The following PCDH9 variants were observed in gnomAD, a reference collection of about 807,000 sequenced individuals.
The protein encoded by PCDH9 is protocadherin-9.
PCDH9 carries 24 observed loss-of-function variants against 70.6 expected under a neutral mutation model. That is an observed-to-expected ratio of 0.34 (90% confidence interval 0.25 to 0.48). The LOEUF (loss-of-function observed/expected upper bound fraction) is 0.48. Among genes scored for constraint, PCDH9 ranks in the 20% least tolerant of loss-of-function variants. PCDH9 has a pLI of 0.99. For synonymous variants in PCDH9, 562 were observed against 558.5 expected (o/e 1.01, Z -0.09); for missense variants, 1,281 against 1,503.6 (o/e 0.85, Z 2.45).
chr13:66,602,217 A>C lies in PCDH9; in HGVS notation c.3340+28993T>G, dbSNP rs189738148. Among the ~76,000 whole-genome samples, 95 of 146,418 alleles carry C rather than the reference A, an allele frequency of 6.5e-4. 8 individuals are homozygous for C. The highest frequency in any genetic ancestry group is 1.4e-3 in the East Asian group (7 of 5,140). On this transcript the variant is annotated intron_variant, in intron 4 of 4. Coordinates refer to ENST00000377865, the MANE Select transcript of PCDH9 (RefSeq NM_203487.3). ...TAAACTAAAATAAATCACACACACA[A>C]AAAAAATCTCATCATGTTTTAAGAA...
At chr13:66,580,109 A>C (rs2138776718) in intron 4 of PCDH9, among the ~76,000 whole-genome samples, 1 of 152,226 alleles carries the variant, frequency 6.6e-6, no homozygotes, top group South Asian at 2.1e-4. Flanking sequence ...TTAGTGTTAG[A>C]GTAAATGAAT....
chr13:66,365,541 T>C (rs979851869), intron 4 of PCDH9, among the ~76,000 whole-genome samples: 11 of 152,218 alleles, frequency 7.2e-5, no homozygotes, highest in African/African-American at 2.7e-4. Context: ...TTGATTCAAA[T>C]GTGTGACTGC....
At chr13:66,542,531 G>T (rs896466638) in intron 4 of PCDH9, among the ~76,000 whole-genome samples, 21 of 151,814 alleles carry the variant, frequency 1.4e-4, no homozygotes, top group African/African-American at 4.8e-4. Context: ...AGCAACTACT[G>T]CATGAGTTTC....
At chr13:66,714,513 C>T (rs150189225) in intron 3 of PCDH9, among the ~76,000 whole-genome samples, 3 of 151,064 alleles carry the variant, frequency 2.0e-5, no homozygotes, top group African/African-American at 4.8e-5. Flanking sequence ...GAATGAAGAG[C>T]AGTTTTACGG....
intron 2 of PCDH9, among the ~76,000 whole-genome samples, chr13:67,146,799 TA>T (rs1476764028): frequency 2.0e-5 from 3 of 152,324 alleles, no homozygotes; most frequent in African/African-American, 7.2e-5. Flanking sequence ...CAGAAAAGCC[TA>T]CTTCAGTCAA....
intron 4 of PCDH9, among the ~76,000 whole-genome samples, chr13:66,487,088 G>A (rs976942329): frequency 6.6e-6 from 1 of 152,106 alleles, no homozygotes; most frequent in Non-Finnish European, 1.5e-5. Context: ...ATCACCATAC[G>A]ATCTCTTTGA....
At chr13:66,462,947 A>G (rs938805586) in intron 4 of PCDH9, among the ~76,000 whole-genome samples, 2 of 151,842 alleles carry the variant, frequency 1.3e-5, no homozygotes, top group Non-Finnish European at 2.9e-5. Flanking sequence ...AAACCTAATT[A>G]TTCTTGGTAC....
rs577742666 is a variant in PCDH9 at position 67,170,035 on chromosome 13, C to T, written c.3036+55370G>A. On this transcript the variant is annotated intron_variant, in intron 2 of 4. Coordinates refer to ENST00000377865, the MANE Select transcript of PCDH9 (RefSeq NM_203487.3). ...TTTTTTTATATTATTTCTTAAATCA[C>T]AGATACCTGCTTATTTGCAGGTGGT... 2.7e-3 allele frequency among the ~76,000 whole-genome samples: 411 copies of T among 152,264 alleles called. 1 individual carries two copies. Among genetic ancestry groups the T allele is most frequent in the African/African-American group, 9.6e-3 (399 of 41,562 alleles).
At position 66,319,980 on chromosome 13, in the gene PCDH9, T is replaced by C. The variant is rs967387009; in HGVS notation, c.3341-14952A>G. Reference sequence around the variant, plus strand: ...CTTAGAAACAATGCTTCCTATTACCTATAGGTAATATGCAAGCCAATTATT... The same window carrying C: ...CTTAGAAACAATGCTTCCTATTACCCATAGGTAATATGCAAGCCAATTATT... On this transcript the variant is annotated intron_variant, in intron 4 of 4. Transcript: ENST00000377865. Among the ~76,000 whole-genome samples the C allele has an allele frequency of 6.6e-4, 100 of 152,178 alleles. 1 individual carries two copies. Among genetic ancestry groups the C allele is most frequent in the African/African-American group, 2.4e-3 (98 of 41,474 alleles).
chr13:66,420,563 C>T (rs1957548169), intron 4 of PCDH9, among the ~76,000 whole-genome samples: 1 of 152,180 alleles, frequency 6.6e-6, no homozygotes, highest in African/African-American at 2.4e-5. Flanking sequence ...GGACCCCCAG[C>T]TAACTCCAGC....
intron 2 of PCDH9, among the ~76,000 whole-genome samples, chr13:67,074,453 G>A (rs1045949046): frequency 6.6e-6 from 1 of 151,964 alleles, no homozygotes; most frequent in African/African-American, 2.4e-5. Flanking sequence ...CCTGCTCTAC[G>A]GTATTTTTGT....
chr13:66,498,519 C>T (rs1345153606), intron 4 of PCDH9, among the ~76,000 whole-genome samples: 1 of 151,976 alleles, frequency 6.6e-6, no homozygotes, highest in Non-Finnish European at 1.5e-5. Flanking sequence ...TGGCTACTCA[C>T]CTACTGACTT....
Position 67,226,653 on chromosome 13 carries a change from C to A in PCDH9, c.1788G>T (p.Val596=). 1 of 1,613,660 alleles carries A rather than the reference C, an allele frequency of 6.2e-7. No individual in the cohort carries two copies. Among genetic ancestry groups the A allele is most frequent in the South Asian group, 1.1e-5 (1 of 91,056 alleles). Residue 596 remains valine, a synonymous_variant, in exon 2 of 5, where the codon GTG becomes GTT. Transcript: ENST00000377865. The surrounding 1 kb of genome is among the most constrained non-coding windows in gnomAD (Gnocchi z 5.0). Reference sequence around the variant, plus strand: ...TATTCTCTCCAGCATCTGCATCTGTCACTGTGATTACCCCCACAGTACTAT... The same window carrying A: ...TATTCTCTCCAGCATCTGCATCTGTAACTGTGATTACCCCCACAGTACTAT... The part of the protein sequence containing the change: ...PKYSTVGVIT[V]TDADAGENKA...
chr13:66,966,549 A>G (rs1345920146), intron 2 of PCDH9, among the ~76,000 whole-genome samples: 1 of 152,118 alleles, frequency 6.6e-6, no homozygotes, highest in Non-Finnish European at 1.5e-5. Context: ...TATTTCCTAG[A>G]AAGAGTAGAA....
At chr13:66,979,646 T>C (rs1442065746) in intron 2 of PCDH9, among the ~76,000 whole-genome samples, 2 of 152,100 alleles carry the variant, frequency 1.3e-5, no homozygotes, top group Non-Finnish European at 2.9e-5. Flanking sequence ...AGATCTCTAC[T>C]TTCTCTTCTC....
intron 4 of PCDH9, among the ~76,000 whole-genome samples, chr13:66,383,895 T>A (rs1271876371): frequency 2.6e-5 from 4 of 152,298 alleles, no homozygotes; most frequent in Admixed American, 1.3e-4. Context: ...AGGTGATTCG[T>A]GAACATCATT....
At chr13:67,128,640 T>C (rs982207124) in intron 2 of PCDH9, among the ~76,000 whole-genome samples, 1 of 152,202 alleles carries the variant, frequency 6.6e-6, no homozygotes, top group African/African-American at 2.4e-5. Context: ...TTGTACTATT[T>C]GTTGTAAACT....
At chr13:66,471,750 A>T (rs1224387512) in intron 4 of PCDH9, among the ~76,000 whole-genome samples, 1 of 152,046 alleles carries the variant, frequency 6.6e-6, no homozygotes, top group African/African-American at 2.4e-5. Context: ...TATAATTTGA[A>T]CTCTGGTAGT....
At chr13:66,349,804 T>C (rs1014007445) in intron 4 of PCDH9, among the ~76,000 whole-genome samples, 2 of 152,176 alleles carry the variant, frequency 1.3e-5, no homozygotes, top group African/African-American at 4.8e-5. Flanking sequence ...GAAAGCCGCA[T>C]GTCTTAACAA....
Sources: allele counts gnomAD v4.1 joint callset (sites outside exome capture counted in the v4.1 genomes callset), GRCh38; gene constraint gnomAD v4.1.1; non-coding constraint Gnocchi (gnomAD v3.1); transcripts MANE v1.5; gene names NCBI Gene and HGNC (gene_info 2026-07-23, HGNC 2026-07-21).